The following JAZF1 variants were observed in gnomAD, a reference collection of about 807,000 sequenced individuals.
The protein encoded by JAZF1 is juxtaposed with another zinc finger protein 1.
JAZF1 carries 8 observed loss-of-function variants against 26.4 expected under a neutral mutation model. That is an observed-to-expected ratio of 0.30 (90% CI 0.18 to 0.55). JAZF1 has a LOEUF of 0.55. Ranked by LOEUF, JAZF1 falls within the 20% of genes least tolerant of loss-of-function variation. The pLI is 0.94. For synonymous variants in JAZF1, 126 were observed against 122.3 expected (o/e 1.03, Z -0.20); for missense variants, 199 against 322.0 (o/e 0.62, Z 2.92).
At chr7:27,983,268 C>A (rs561817229) in intron 2 of JAZF1, among the ~76,000 whole-genome samples, 1 of 152,268 alleles carries the variant, frequency 6.6e-6, no homozygotes, top group African/African-American at 2.4e-5. Context: ...CCTGATGGAG[C>A]TGAAAACCAT....
intron 1 of JAZF1, among the ~76,000 whole-genome samples, chr7:28,152,048 GT>G (rs1783119058): frequency 6.6e-6 from 1 of 152,036 alleles, no homozygotes; most frequent in Non-Finnish European, 1.5e-5. Context: ...TCTTTACGTA[GT>G]TTCGTCCTCA....
intron 1 of JAZF1, among the ~76,000 whole-genome samples, chr7:28,006,495 A>G (rs888467680): frequency 6.6e-6 from 1 of 152,246 alleles, no homozygotes. Flanking sequence ...TGAACAATCA[A>G]TAGTTCTCAA....
intron 1 of JAZF1, among the ~76,000 whole-genome samples, chr7:28,130,765 C>T (rs943803983): frequency 3.3e-5 from 5 of 152,272 alleles, no homozygotes; most frequent in South Asian, 2.1e-4. Flanking sequence ...CTCTCTCTCT[C>T]GAAAGGGTGC....
At chr7:28,005,882 TAAAAA>T (rs11355665) in intron 1 of JAZF1, among the ~76,000 whole-genome samples, 4 of 138,050 alleles carry the variant, frequency 2.9e-5, no homozygotes, top group Non-Finnish European at 3.1e-5. Context: ...TTCTGTTGCT[TAAAAA>T]AAAAAAAAAA....
chr7:28,098,286 GTGAATCGGCCAGCACCT>G (rs1205767855), intron 1 of JAZF1, among the ~76,000 whole-genome samples: 1 of 152,130 alleles, frequency 6.6e-6, no homozygotes, highest in Non-Finnish European at 1.5e-5. Context: ...TCACCAGGAA[GTGAATCGGCCAGCACCT>G]TGATCTCAGA....
At chr7:27,892,768 C>T (rs1277902497) in intron 3 of JAZF1, among the ~76,000 whole-genome samples, 1 of 152,118 alleles carries the variant, frequency 6.6e-6, no homozygotes, top group Non-Finnish European at 1.5e-5. Context: ...GGACAAATGC[C>T]TAACACAAAT....
chr7:27,985,830 T>A (rs1469443811), intron 2 of JAZF1, among the ~76,000 whole-genome samples: 2 of 152,168 alleles, frequency 1.3e-5, no homozygotes, highest in African/African-American at 4.8e-5. Context: ...ATCCATCATA[T>A]AAACAGAACC....
chr7:27,983,103 G>A (rs989330780), intron 2 of JAZF1, among the ~76,000 whole-genome samples: 8 of 152,198 alleles, frequency 5.3e-5, no homozygotes, highest in Non-Finnish European at 8.8e-5. Flanking sequence ...TGACTTTGAC[G>A]AGTTGAGAGA....
At chr7:28,094,777 T>C (rs1046526445) in intron 1 of JAZF1, among the ~76,000 whole-genome samples, 5 of 152,144 alleles carry the variant, frequency 3.3e-5, no homozygotes, top group African/African-American at 1.2e-4. Context: ...TTTTATTTTT[T>C]TTGCCAGCTC....
intron 4 of JAZF1, among the ~76,000 whole-genome samples, chr7:27,839,063 G>A (rs1361420843): frequency 2.0e-5 from 3 of 152,232 alleles, no homozygotes; most frequent in Non-Finnish European, 4.4e-5. Context: ...AAACAGAAAT[G>A]ACAAGGAGGA....
chr7:27,899,595 CA>C (rs889701968), intron 2 of JAZF1, among the ~76,000 whole-genome samples: 3 of 151,900 alleles, frequency 2.0e-5, no homozygotes, highest in Non-Finnish European at 4.4e-5. Context: ...CCCCCATGCC[CA>C]GGTAATTTTT....
intron 1 of JAZF1, among the ~76,000 whole-genome samples, chr7:28,008,459 T>G (rs1279459408): frequency 6.6e-6 from 1 of 152,204 alleles, no homozygotes; most frequent in Non-Finnish European, 1.5e-5. Flanking sequence ...GAATCATACA[T>G]TTTAATTGAG....
chr7:28,179,553 C>T (rs963021060), intron 1 of JAZF1, among the ~76,000 whole-genome samples: 1 of 151,696 alleles, frequency 6.6e-6, no homozygotes. Context: ...AATGCCCGGC[C>T]ATGGGCCCTG....
chr7:27,936,466 A>G (rs1784764241), intron 2 of JAZF1, among the ~76,000 whole-genome samples: 1 of 152,254 alleles, frequency 6.6e-6, no homozygotes, highest in Non-Finnish European at 1.5e-5. Context: ...TGCAGTGGAC[A>G]TAGTGTAAAT....
intron 1 of JAZF1, among the ~76,000 whole-genome samples, chr7:28,081,138 C>T (rs978692334): frequency 2.6e-5 from 4 of 152,176 alleles, no homozygotes; most frequent in African/African-American, 9.7e-5. Flanking sequence ...TCTTTGACCT[C>T]AGGGCAGCGG....
At chr7:28,007,698 C>T (rs1306414044) in intron 1 of JAZF1, among the ~76,000 whole-genome samples, 2 of 152,126 alleles carry the variant, frequency 1.3e-5, no homozygotes, top group Non-Finnish European at 2.9e-5. Flanking sequence ...ACCAGGTGAC[C>T]AGCTGGATGG....
At chr7:28,055,177 T>A (rs6966544) in intron 1 of JAZF1, among the ~76,000 whole-genome samples, 37,412 of 144,400 alleles carry the variant, frequency 0.26, 4,724 homozygotes, top group South Asian at 0.35. Context: ...AAAAAAAAAA[T>A]TTTTGCAATG....
At chr7:28,004,652 AT>A (rs539854954) in intron 1 of JAZF1, among the ~76,000 whole-genome samples, 2,651 of 149,218 alleles carry the variant, frequency 0.018, 44 homozygotes, top group African/African-American at 0.036. Flanking sequence ...CAGTGAAATA[AT>A]TTTTTTTTTT....
intron 1 of JAZF1, among the ~76,000 whole-genome samples, chr7:28,175,066 C>T (rs897480255): frequency 1.3e-5 from 2 of 152,170 alleles, no homozygotes; most frequent in African/African-American, 4.8e-5. Context: ...GGCACAGTGC[C>T]TCTTTCTAGT....
Sources: gnomAD v4.1 joint callset for allele counts (sites outside exome capture counted in the v4.1 genomes callset) on GRCh38, gnomAD v4.1.1 for gene constraint, MANE v1.5 for transcripts, NCBI Gene and HGNC (gene_info 2026-07-23, HGNC 2026-07-21) for gene names.